Variants in KIF24 observed in about 807,000 individuals in gnomAD.
KIF24 encodes the protein kinesin family member 24, also known as kinesin-like protein KIF24.
A neutral mutation model predicts 118.9 loss-of-function variants in KIF24; 81 were observed. The ratio of observed to expected loss-of-function variants is 0.68; its 90% confidence interval spans 0.57 to 0.82. The LOEUF is 0.82. Among genes scored for constraint, KIF24 ranks in the 40% least tolerant of loss-of-function variants. The pLI is 0.00. For missense variants in KIF24, 1,560 were observed against 1,661.6 expected (o/e 0.94, Z 1.06); for synonymous variants, 599 against 610.0 (o/e 0.98, Z 0.27).
At position 34,277,312 on chromosome 9, in the gene KIF24, G is replaced by T. The variant is rs140382139; in HGVS notation, c.1216-5382C>A. On this transcript the variant is annotated intron_variant, in intron 6 of 12. Coordinates refer to ENST00000402558, the MANE Select transcript of KIF24 (RefSeq NM_194313.4). The stretch of plus-strand genomic sequence containing the variant: ...ATGTCTGACTAATAAGGAACACAGA[G>T]AAGCTAAGTGACTTATACAAGGTCA... Among the ~76,000 whole-genome samples the T allele has an allele frequency of 1.4e-3, 220 of 152,160 alleles. 6 individuals carry two copies. The South Asian group carries it at 0.035, about 24-fold the overall frequency.
At chr9:34,284,735 G>C (rs1835971672) in intron 6 of KIF24, among the ~76,000 whole-genome samples, 1 of 152,118 alleles carries the variant, frequency 6.6e-6, no homozygotes, top group African/African-American at 2.4e-5. Flanking sequence ...ATAGGGGGGT[G>C]TTATTGGAAA....
At position 34,306,308 on chromosome 9, in the gene KIF24, T is replaced by G. The variant is rs375531326; in HGVS notation, c.757A>C (p.Thr253Pro). The change falls in exon 3 of 13, where the codon ACT (threonine) becomes CCT (proline). Residue 253 changes from threonine to proline, a missense_variant. Physicochemically the swap from Thr to Pro is conservative, Grantham distance 38 (BLOSUM62 -1). Coordinates refer to ENST00000402558, the MANE Select transcript of KIF24 (RefSeq NM_194313.4). ...INIITVEDKE[T>P]LLVHEKKEAV... is the part of the protein sequence containing the mutation. ...TCTTTCTTCTCATGCACAAGTAGAG[T>G]TTCTTTGTCTTCTACAGTAATAATA... The G allele has an allele frequency of 6.2e-7, 1 of 1,610,380 alleles. No homozygotes were observed. The highest frequency in any genetic ancestry group is 1.3e-5 in the African/African-American group (1 of 74,794).
intron 3 of KIF24, among the ~76,000 whole-genome samples, chr9:34,301,997 C>CTCT: frequency 7.3e-6 from 1 of 137,674 alleles, no homozygotes; most frequent in South Asian, 2.2e-4. Flanking sequence ...ATTTTTTTTT[C>CTCT]TTTTTTTTTT....
chr9:34,297,816 G>T (rs139413846), intron 3 of KIF24, among the ~76,000 whole-genome samples: 89 of 151,374 alleles, frequency 5.9e-4, no homozygotes, highest in Middle Eastern at 3.4e-3. Flanking sequence ...CAATTCTGTA[G>T]ATTACACAGC....
rs1835151924 is a variant in KIF24, at chr9:34,263,001, T to C, written c.1515+100A>G. The C allele has an allele frequency of 9.4e-6, 8 of 847,610 alleles. No homozygotes were observed. The South Asian group carries it at 1.0e-4, about 11-fold the overall frequency. 52.5% of individuals were successfully genotyped at this position (847,610 alleles called of 1,614,324 possible). A position where few individuals can be genotyped will look rare whatever the true frequency, so the allele number is the denominator to read the frequency against. ...CTTTTCCCCACTGTGCCCAGCATCA[T>C]GTCTTACTGACAGTGGATGCTCGAC... On this transcript the variant is annotated intron_variant, in intron 9 of 12. Transcript: ENST00000402558.
At position 34,269,545 on chromosome 9, in the gene KIF24, G is replaced by A. The variant is rs187411172; in HGVS notation, c.1338-183C>T. ...CGCCATTCTCCTGCCTCAGCCTCCC[G>A]AGTAGCTGGGACTACAGGCGCCCGC... On this transcript the variant is annotated intron_variant, in intron 7 of 12. Coordinates refer to ENST00000402558, the MANE Select transcript of KIF24 (RefSeq NM_194313.4). Among the ~76,000 whole-genome samples the A allele has an allele frequency of 2.2e-3, 331 of 151,914 alleles. 2 individuals are homozygous for A. The highest frequency in any genetic ancestry group is 7.2e-3 in the African/African-American group (298 of 41,466).
At chr9:34,285,181 G>A (rs904542449) in intron 6 of KIF24, among the ~76,000 whole-genome samples, 2 of 151,976 alleles carry the variant, frequency 1.3e-5, no homozygotes, top group Non-Finnish European at 2.9e-5. Context: ...TACAATAAAA[G>A]AATAACTTAA....
Position 34,318,331 on chromosome 9 carries a change from C to T in KIF24, c.-25-6960G>A. 4 of 564,710 alleles carry T rather than the reference C, an allele frequency of 7.1e-6. No individual in the cohort carries two copies. The highest frequency in any genetic ancestry group is 3.5e-5 in the East Asian group (1 of 28,518). The allele number at this position is 564,710 out of a possible 1,614,324, so 35.0% of individuals were successfully genotyped here. ...GACTCCCGTCTTGGAGCCAGCCCAGCCCAACCCAGCCCAACCCAGCTTGAC... is the reference window on the plus strand; with the variant it reads ...GACTCCCGTCTTGGAGCCAGCCCAGTCCAACCCAGCCCAACCCAGCTTGAC... On this transcript the variant is annotated intron_variant, in intron 1 of 12. Coordinates refer to ENST00000402558, the MANE Select transcript of KIF24 (RefSeq NM_194313.4). This position sits in a 1 kb window ranked among gnomAD's most constrained non-coding sequence, Gnocchi z 4.9.
intron 7 of KIF24, among the ~76,000 whole-genome samples, chr9:34,271,304 C>T (rs982266868): frequency 7.2e-6 from 1 of 138,336 alleles, no homozygotes; most frequent in Admixed American, 7.8e-5. Flanking sequence ...TACATAGAAA[C>T]TTTTGCGGAC....
At chr9:34,283,679 G>A (rs1017740912) in intron 6 of KIF24, among the ~76,000 whole-genome samples, 14 of 151,950 alleles carry the variant, frequency 9.2e-5, no homozygotes, top group African/African-American at 2.7e-4. Flanking sequence ...ACTCATATCC[G>A]GAATATACAA....
At chr9:34,270,773 T>A (rs1207006577) in intron 7 of KIF24, among the ~76,000 whole-genome samples, 2 of 142,044 alleles carry the variant, frequency 1.4e-5, no homozygotes, top group Non-Finnish European at 3.1e-5. Context: ...AATTTTTACC[T>A]TTTTTTTTTT....
At chr9:34,298,071 AC>A (rs1836553088) in intron 3 of KIF24, among the ~76,000 whole-genome samples, 1 of 152,164 alleles carries the variant, frequency 6.6e-6, no homozygotes, top group Admixed American at 6.6e-5. Context: ...AGAATGGACC[AC>A]AGGGGAAGAA....
intron 6 of KIF24, among the ~76,000 whole-genome samples, chr9:34,285,304 CAT>C (rs1835994873): frequency 6.6e-6 from 1 of 152,278 alleles, no homozygotes; most frequent in African/African-American, 2.4e-5. Flanking sequence ...ATTCTGAACT[CAT>C]GTGATAGTAT....
At chr9:34,295,539 G>A (rs1246187373) in intron 4 of KIF24, among the ~76,000 whole-genome samples, 11 of 152,094 alleles carry the variant, frequency 7.2e-5, no homozygotes, top group African/African-American at 2.4e-4. Context: ...TTAGCTGGGC[G>A]TGGTGGCAGG....
chr9:34,297,309 TTA>T (rs1836522266), intron 3 of KIF24, among the ~76,000 whole-genome samples, 195 bp from the exon 4 acceptor site: 1 of 152,214 alleles, frequency 6.6e-6, no homozygotes, highest in Non-Finnish European at 1.5e-5. Context: ...AGACATGTTC[TTA>T]CAAGGTAAAA....
chr9:34,324,330 G>A (rs1837609914), intron 1 of KIF24, among the ~76,000 whole-genome samples: 1 of 152,060 alleles, frequency 6.6e-6, no homozygotes, highest in South Asian at 2.1e-4. Flanking sequence ...TTGGAAGGGG[G>A]GTGAAAATAC....
At chr9:34,259,499 GCACA>G in intron 10 of KIF24, 93 bp downstream of exon 10, 3 of 847,854 alleles carry the variant, frequency 3.5e-6, no homozygotes, top group South Asian at 1.5e-5. Context: ...GCATGCACTT[GCACA>G]CACACACGCG....
chr9:34,272,812 CATG>C (rs1182090625), intron 6 of KIF24, among the ~76,000 whole-genome samples: 2 of 152,086 alleles, frequency 1.3e-5, no homozygotes, highest in Non-Finnish European at 2.9e-5. Flanking sequence ...TTTGTAGAGA[CATG>C]GTCTTACTAT....
At chr9:34,286,740 T>C in intron 5 of KIF24, 36 bp from the exon 6 acceptor site, 1 of 1,407,870 alleles carries the variant, frequency 7.1e-7, no homozygotes, top group Non-Finnish European at 1.0e-6. Flanking sequence ...ATGATGGTGC[T>C]ACTAAAACAG....
Sources: gnomAD v4.1 joint callset for allele counts (sites outside exome capture counted in the v4.1 genomes callset) on GRCh38, gnomAD v4.1.1 for gene constraint, Gnocchi (gnomAD v3.1) non-coding constraint, MANE v1.5 for transcripts, NCBI Gene and HGNC (gene_info 2026-07-23, HGNC 2026-07-21) for gene names.